NAA20: variants seen among roughly 807,000 people sequenced by gnomAD.
The protein encoded by NAA20 is N-alpha-acetyltransferase 20.
Under a neutral mutation model 23.8 loss-of-function variants are expected in NAA20, and 24 were observed. That is an observed-to-expected ratio of 1.01 (90% CI 0.73 to 1.42). The LOEUF is 1.42. Among genes scored for constraint, NAA20 ranks in the 40% most tolerant of loss-of-function variants. The pLI is 0.00. For synonymous variants in NAA20, 83 were observed against 77.7 expected (o/e 1.07, Z -0.36); for missense variants, 166 against 223.1 (o/e 0.74, Z 1.63).
intron 1 of NAA20, 52 bp downstream of exon 1, chr20:20,017,501 G>A (rs1470385716): frequency 1.3e-6 from 2 of 1,538,236 alleles, no homozygotes; most frequent in African/African-American, 2.8e-5. Flanking sequence ...CTCGCTTCCC[G>A]GCCCCGCCAG....
intron 1 of NAA20, 37 bp from the exon 2 acceptor site, chr20:20,022,419 C>T (rs1385151471): frequency 1.1e-5 from 18 of 1,572,114 alleles, no homozygotes; most frequent in African/African-American, 8.3e-5. Flanking sequence ...TTATTGTAAA[C>T]GCTGCTTACT....
At chr20:20,024,157 C>T (rs953654312) in intron 2 of NAA20, among the ~76,000 whole-genome samples, 3 of 152,212 alleles carry the variant, frequency 2.0e-5, no homozygotes, top group African/African-American at 7.2e-5. Flanking sequence ...TTGCTAACCC[C>T]TGAGTTATAC....
In NAA20 at chr20:20,026,672, A is replaced by G; in HGVS notation, c.170-112A>G. 3 of 1,402,486 alleles carry G rather than the reference A, an allele frequency of 2.1e-6. No homozygotes were observed. The South Asian group carries it at 4.0e-5, about 19-fold the overall frequency. 86.9% of individuals were successfully genotyped at this position (1,402,486 alleles called of 1,614,324 possible). A position where few individuals can be genotyped will look rare whatever the true frequency, so the allele number is the denominator to read the frequency against. On this transcript the variant is annotated intron_variant, in intron 3 of 5. Coordinates refer to ENST00000334982, the MANE Select transcript of NAA20 (RefSeq NM_016100.5). ...AGCTGGATGACCTCAGGTGGTACTT[A>G]AAAACTTCTTTATTAGTTTCCTTTG...
chr20:20,023,714 G>A (rs1324351461), intron 2 of NAA20, among the ~76,000 whole-genome samples: 1 of 152,166 alleles, frequency 6.6e-6, no homozygotes, highest in Non-Finnish European at 1.5e-5. Context: ...CGTGTTAAGA[G>A]TTCAGTCTCA....
In NAA20 at chr20:20,026,840, GCT is replaced by G. The variant is rs1412474142; in HGVS notation, c.229_230del (p.Leu77ValfsTer14). On this transcript the variant is annotated frameshift_variant, in exon 4 of 6. Coordinates refer to ENST00000334982, the MANE Select transcript of NAA20 (RefSeq NM_016100.5). LOFTEE classifies it high-confidence loss of function. Reference protein sequence around the residue: ...AREEWHGHVTALSVAPEFRRL... With the variant: ...AREEWHGHVTXLSVAPEFRRL... ...GGAAGAATGGCACGGGCACGTCACAGCTCTGTCTGTTGCCCCAGAATTTCGAC... is the reference window on the plus strand; with the variant it reads ...GGAAGAATGGCACGGGCACGTCACAGCTGTCTGTTGCCCCAGAATTTCGAC... 1.9e-6 allele frequency: 3 copies of G among 1,614,054 alleles called. No individual in the cohort carries two copies. The highest frequency in any genetic ancestry group is 3.3e-5 in the Admixed American group (2 of 60,004).
At chr20:20,019,242 A>T (rs897295908) in intron 1 of NAA20, among the ~76,000 whole-genome samples, 1 of 152,184 alleles carries the variant, frequency 6.6e-6, no homozygotes, top group Non-Finnish European at 1.5e-5. Flanking sequence ...GATGGATTCA[A>T]ATTCTTAACC....
intron 4 of NAA20, 146 bp downstream of exon 4, chr20:20,027,065 T>C (rs565349261): frequency 6.8e-6 from 8 of 1,178,632 alleles, no homozygotes; most frequent in Admixed American, 4.6e-5. Flanking sequence ...TTCTATCACA[T>C]AGTCAAAGTG....
In NAA20 at chr20:20,022,485, CCTT is replaced by C. The variant is rs1371900365; in HGVS notation, c.78+6_78+8del. 6.4e-7 allele frequency: 1 copy of C among 1,560,540 alleles called. No individual in the cohort carries two copies. Among genetic ancestry groups the C allele is most frequent in the Non-Finnish European group, 8.6e-7 (1 of 1,158,860 alleles). ...TTGGATCCACTTACAGAAACTGTAT[CCTT>C]TTTTACAAAAAAAAAAAAGTTGAAT... is the stretch of plus-strand genomic sequence containing the variant. On this transcript the variant is annotated splice_donor_region_variant and intron_variant, in intron 2 of 5. Coordinates refer to ENST00000334982, the MANE Select transcript of NAA20 (RefSeq NM_016100.5).
chr20:20,022,963 C>T (rs1192488917), intron 2 of NAA20, among the ~76,000 whole-genome samples: 4 of 152,120 alleles, frequency 2.6e-5, no homozygotes, highest in Non-Finnish European at 5.9e-5. Context: ...GCCATGTTTC[C>T]GGCAGCAGAA....
chr20:20,022,488 T>A lies in NAA20; in HGVS notation c.78+8T>A. Reference sequence around the variant, plus strand: ...GATCCACTTACAGAAACTGTATCCTTTTTTACAAAAAAAAAAAAGTTGAAT... The same window carrying A: ...GATCCACTTACAGAAACTGTATCCTATTTTACAAAAAAAAAAAAGTTGAAT... On this transcript the variant is annotated splice_region_variant and intron_variant, in intron 2 of 5. Coordinates refer to ENST00000334982, the MANE Select transcript of NAA20 (RefSeq NM_016100.5). The A allele has an allele frequency of 6.4e-7, 1 of 1,562,430 alleles. No individual in the cohort carries two copies. Among genetic ancestry groups the A allele is most frequent in the Non-Finnish European group, 8.6e-7 (1 of 1,159,272 alleles).
At chr20:20,017,327 G>A, upstream of NAA20, 7 of 1,594,780 alleles carry the variant, frequency 4.4e-6, no homozygotes, top group South Asian at 4.5e-5. Flanking sequence ...CGGCGGCCAC[G>A]CTCCGGGAGA....
chr20:20,017,477 G>T lies in NAA20; in HGVS notation c.53+28G>T, dbSNP rs765017523. 9 of 1,589,236 alleles carry T rather than the reference G, an allele frequency of 5.7e-6. No homozygotes were observed. The South Asian group carries it at 1.0e-4, about 18-fold the overall frequency. On this transcript the variant is annotated intron_variant, in intron 1 of 5. Transcript: ENST00000334982. ...GAGTGACACGCGCCTAGGGCCAGCC[G>T]CTCTTGGCCGGGCCTCGCTTCCCGG... is the stretch of plus-strand genomic sequence containing the variant.
intron 2 of NAA20, 138 bp downstream of exon 2, chr20:20,022,618 G>A (rs372560645): frequency 1.5e-6 from 1 of 660,130 alleles, no homozygotes; most frequent in Non-Finnish European, 2.4e-6. Context: ...AACACTGAAA[G>A]CAATTTTAAA....
chr20:20,024,504 T>C (rs2043294128), intron 2 of NAA20, among the ~76,000 whole-genome samples: 1 of 152,224 alleles, frequency 6.6e-6, no homozygotes, highest in South Asian at 2.1e-4. Flanking sequence ...ATCACCACTT[T>C]TAAGATTTTT....
In NAA20 at chr20:20,025,763, T is replaced by A. The variant is rs1304812448; in HGVS notation, c.165T>A (p.Gly55=). Residue 55 remains glycine, a synonymous_variant, in exon 3 of 6, where the codon GGT becomes GGA. Transcript: ENST00000334982. ...AGGCACCTGGTGGAGAATTAATGGG[T>A]TATAGTAAGTATAATACCACTAGTA... ...VAEAPGGELM[G]YIMGKAEGSV... 1 of 1,581,460 alleles carries A rather than the reference T, an allele frequency of 6.3e-7. No homozygotes were observed. Among genetic ancestry groups the A allele is most frequent in the Admixed American group, 1.7e-5 (1 of 59,958 alleles).
intron 2 of NAA20, 93 bp from the exon 3 acceptor site, chr20:20,025,584 G>A (rs1159865065): frequency 4.7e-6 from 4 of 851,254 alleles, no homozygotes; most frequent in Non-Finnish European, 8.0e-6. Context: ...TAAAGTAACA[G>A]TATACTTTTT....
At chr20:20,018,567 G>A (rs2043246921) in intron 1 of NAA20, 1 of 161,968 alleles carries the variant, frequency 6.2e-6, no homozygotes, top group Admixed American at 5.9e-5. Flanking sequence ...CATGAAAATG[G>A]GGAAACTTGA....
At chr20:20,028,469 C>T (rs553605376) in intron 4 of NAA20, among the ~76,000 whole-genome samples, 6 of 151,972 alleles carry the variant, frequency 3.9e-5, no homozygotes, top group East Asian at 3.9e-4. Context: ...ACATGTATCC[C>T]AGAACTTAAA....
intron 1 of NAA20, chr20:20,017,712 G>T (rs1043033918): frequency 2.0e-5 from 29 of 1,430,630 alleles, no homozygotes; most frequent in Non-Finnish European, 2.6e-5. Context: ...GAGCTGGCAG[G>T]TTCTGGGGCA....
Sources: gnomAD v4.1 joint callset for allele counts (sites outside exome capture counted in the v4.1 genomes callset) on GRCh38, gnomAD v4.1.1 for gene constraint, MANE v1.5 for transcripts, NCBI Gene and HGNC (gene_info 2026-07-23, HGNC 2026-07-21) for gene names.